Variants in NRG3 observed in about 807,000 individuals in gnomAD.
NRG3 encodes the protein neuregulin 3, also known as pro-neuregulin-3, membrane-bound isoform.
In NRG3, 31 loss-of-function variants were observed where a neutral mutation model predicts 66.9. The ratio of observed to expected loss-of-function variants is 0.46; its 90% CI spans 0.35 to 0.63. The LOEUF (loss-of-function observed/expected upper bound fraction) is 0.63. Among genes scored for constraint, NRG3 ranks in the 20% least tolerant of loss-of-function variants. The pLI is 0.00. For synonymous variants in NRG3, 393 were observed against 359.4 expected, an observed-to-expected ratio of 1.09 and a Z score of -1.06; for missense variants, 910 against 878.9, an observed-to-expected ratio of 1.04 and a Z score of -0.45.
At chr10:82,081,606 T>G (rs2065399613) in intron 1 of NRG3, among the ~76,000 whole-genome samples, 1 of 152,214 alleles carries the variant, frequency 6.6e-6, no homozygotes, top group South Asian at 2.1e-4. Context: ...AGCTATTGCC[T>G]CAGATTTGGG....
chr10:82,105,813 T>C (rs1339115673), intron 1 of NRG3, among the ~76,000 whole-genome samples: 3 of 152,170 alleles, frequency 2.0e-5, no homozygotes, highest in Non-Finnish European at 4.4e-5. Context: ...GTCAAAAACA[T>C]TGACAATTAG....
At chr10:82,878,201 C>A (rs1465983600) in intron 4 of NRG3, among the ~76,000 whole-genome samples, 1 of 152,128 alleles carries the variant, frequency 6.6e-6, no homozygotes, top group African/African-American at 2.4e-5. Context: ...TGGGAAATGG[C>A]AAGGAGTCCC....
In NRG3 at chr10:82,609,589, CAAAA is replaced by C. The variant is rs907457000; in HGVS notation, c.954-128979_954-128976del. Among the ~76,000 whole-genome samples, 3 of 114,352 alleles carry C rather than the reference CAAAA, an allele frequency of 2.6e-5. No homozygotes were observed. The Admixed American group carries it at 2.7e-4, about 10-fold the overall frequency. 75.0% of individuals were successfully genotyped at this position (114,352 alleles called of 152,430 possible). The stretch of plus-strand genomic sequence containing the variant: ...TATTGTGCCAACAGATTATATTTTC[CAAAA>C]AAAAAAAAGAGAGAGAGAAAATTGG... On this transcript the variant is annotated intron_variant, in intron 2 of 8. Coordinates refer to ENST00000372141, the MANE Select transcript of NRG3 (RefSeq NM_001010848.4).
At chr10:82,919,019 C>T (rs1209415781) in intron 4 of NRG3, among the ~76,000 whole-genome samples, 2 of 151,398 alleles carry the variant, frequency 1.3e-5, no homozygotes. Context: ...ATCACTGGGC[C>T]CCAGTAAGCC....
chr10:82,372,766 G>A (rs1288592738), intron 2 of NRG3, among the ~76,000 whole-genome samples: 1 of 152,116 alleles, frequency 6.6e-6, no homozygotes, highest in African/African-American at 2.4e-5. Context: ...GCTAATTGTA[G>A]TATTTTTAGT....
At chr10:82,151,091 C>CA (rs2070711346) in intron 1 of NRG3, among the ~76,000 whole-genome samples, 1 of 152,124 alleles carries the variant, frequency 6.6e-6, no homozygotes, top group Non-Finnish European at 1.5e-5. Context: ...GCTCAGAAAG[C>CA]AAATACAGAA....
At chr10:82,007,211 CTTTTTTTTTTT>C (rs34146080) in intron 1 of NRG3, among the ~76,000 whole-genome samples, 1 of 130,552 alleles carries the variant, frequency 7.7e-6, no homozygotes, top group Non-Finnish European at 1.6e-5. Context: ...TTTTTCTTTT[CTTTTTTTTTTT>C]TTTTTGAGAC....
intron 2 of NRG3, among the ~76,000 whole-genome samples, chr10:82,510,059 C>T (rs910316955): frequency 2.0e-5 from 3 of 152,252 alleles, no homozygotes; most frequent in African/African-American, 4.8e-5. Flanking sequence ...TGGATTCTAA[C>T]TCATCCTTCA....
intron 2 of NRG3, among the ~76,000 whole-genome samples, chr10:82,686,758 C>T (rs2054545776): frequency 6.6e-6 from 1 of 152,132 alleles, no homozygotes; most frequent in Admixed American, 6.5e-5. Context: ...TCCCAGTAGC[C>T]CTCCGTTTTG....
In NRG3 at chr10:82,139,435, A is replaced by G. The variant is rs1382622507; in HGVS notation, c.824-219304A>G. Among the ~76,000 whole-genome samples the G allele has an allele frequency of 8.5e-5, 13 of 152,172 alleles. 1 individual carries two copies. Among genetic ancestry groups the G allele is most frequent in the Admixed American group, 7.9e-4 (12 of 15,258 alleles). On this transcript the variant is annotated intron_variant, in intron 1 of 8. Transcript: ENST00000372141. The stretch of plus-strand genomic sequence containing the variant: ...CCACGTGAAAGATTCTAATTTCCTT[A>G]TACTTGATGTAACTGGTGGTATTAG...
chr10:82,526,012 G>C lies in NRG3; in HGVS notation c.953+167144G>C, dbSNP rs142838537. The stretch of plus-strand genomic sequence containing the variant: ...AGGGAAATTATCTGGAAATAAGATT[G>C]CAGAGAAGAAAGGATAAAACTATGC... On this transcript the variant is annotated intron_variant, in intron 2 of 8. Transcript: ENST00000372141. Among the ~76,000 whole-genome samples, 822 of 152,004 alleles carry C rather than the reference G, an allele frequency of 5.4e-3. 1 individual carries two copies. Among genetic ancestry groups the C allele is most frequent in the South Asian group, 7.3e-3 (35 of 4,824 alleles).
At chr10:82,591,391 G>C (rs2046975921) in intron 2 of NRG3, among the ~76,000 whole-genome samples, 1 of 152,182 alleles carries the variant, frequency 6.6e-6, no homozygotes, top group African/African-American at 2.4e-5. Flanking sequence ...AACTTGGCAG[G>C]ATCCCATGAT....
Position 81,875,764 on chromosome 10 carries a change from G to T in NRG3, c.424G>T (p.Ala142Ser), listed in dbSNP as rs372465981. The T allele has an allele frequency of 9.9e-6, 16 of 1,611,586 alleles. No individual in the cohort carries two copies. The highest frequency in any genetic ancestry group is 1.3e-5 in the Non-Finnish European group (15 of 1,179,564). ...TSTTSPATPS[A>S]GGAASSRTPN... ...CACCACGTCCCCCGCCACCCCCTCC[G>T]CCGGGGGTGCCGCCTCCTCCAGGAC... Residue 142 changes from alanine (A) to serine (S), a missense_variant, in exon 1 of 9, where the codon GCC (alanine) becomes TCC (serine). Physicochemically the swap from Ala to Ser is moderately conservative, Grantham distance 99 (BLOSUM62 1). Transcript: ENST00000372141. This position sits in a 1 kb window ranked among gnomAD's most constrained non-coding sequence, Gnocchi z 5.3.
At chr10:81,960,122 G>A (rs916520157) in intron 1 of NRG3, among the ~76,000 whole-genome samples, 12 of 151,924 alleles carry the variant, frequency 7.9e-5, no homozygotes, top group African/African-American at 2.9e-4. Context: ...TGCGGCACAT[G>A]TTCTATTCAC....
At chr10:82,614,061 G>A (rs1301066069) in intron 2 of NRG3, among the ~76,000 whole-genome samples, 1 of 151,822 alleles carries the variant, frequency 6.6e-6, no homozygotes, top group Non-Finnish European at 1.5e-5. Flanking sequence ...CACCATGCCT[G>A]GCTCATTTAT....
At chr10:82,614,084 G>A (rs189826941) in intron 2 of NRG3, among the ~76,000 whole-genome samples, 2 of 151,598 alleles carry the variant, frequency 1.3e-5, no homozygotes, top group Non-Finnish European at 2.9e-5. Flanking sequence ...ATTTTTAGTA[G>A]AGAAGAGGTT....
intron 1 of NRG3, among the ~76,000 whole-genome samples, chr10:82,147,951 T>A (rs555489523): frequency 4.6e-5 from 7 of 152,276 alleles, no homozygotes; most frequent in African/African-American, 1.7e-4. Context: ...ATTTCAAGAA[T>A]GGGAAAAGCG....
chr10:82,691,222 C>T (rs2054901242), intron 2 of NRG3, among the ~76,000 whole-genome samples: 1 of 152,194 alleles, frequency 6.6e-6, no homozygotes, highest in Admixed American at 6.5e-5. Flanking sequence ...ACCCCACTCT[C>T]TCATGCCGAG....
At chr10:82,579,135 T>A (rs1270440972) in intron 2 of NRG3, among the ~76,000 whole-genome samples, 4 of 151,804 alleles carry the variant, frequency 2.6e-5, no homozygotes, top group Non-Finnish European at 5.9e-5. Context: ...AGTGTGCAGT[T>A]AATTAGAATT....
Sources: allele counts gnomAD v4.1 joint callset (sites outside exome capture counted in the v4.1 genomes callset), GRCh38; gene constraint gnomAD v4.1.1; non-coding constraint Gnocchi (gnomAD v3.1); transcripts MANE v1.5; gene names NCBI Gene and HGNC (gene_info 2026-07-23, HGNC 2026-07-21).